Variants in TMEM117 observed in about 807,000 individuals in gnomAD.
TMEM117 encodes the protein transmembrane protein 117.
In TMEM117, 27 loss-of-function variants were observed where a neutral mutation model predicts 52.4. The observed-to-expected ratio is 0.51, with a 90% CI of 0.38 to 0.71. The LOEUF is 0.71. TMEM117 is among the 30% of genes least tolerant of loss of function. The pLI is 0.00. For synonymous variants in TMEM117, 215 were observed against 206.3 expected, an observed-to-expected ratio of 1.04 and a Z score of -0.36; for missense variants, 556 against 630.5, an observed-to-expected ratio of 0.88 and a Z score of 1.26.
chr12:43,968,112 A>C (rs1945515410), intron 3 of TMEM117, among the ~76,000 whole-genome samples: 1 of 152,244 alleles, frequency 6.6e-6, no homozygotes, highest in African/African-American at 2.4e-5. Context: ...TAGAGACCAC[A>C]TATGATATTT....
At chr12:44,277,500 TA>T (rs1411581193) in intron 5 of TMEM117, among the ~76,000 whole-genome samples, 2 of 152,214 alleles carry the variant, frequency 1.3e-5, no homozygotes, top group African/African-American at 2.4e-5. Context: ...TTGGCTTCAG[TA>T]AAATTGTCTG....
At chr12:43,940,742 C>T (rs1443996977) in intron 2 of TMEM117, among the ~76,000 whole-genome samples, 1 of 152,102 alleles carries the variant, frequency 6.6e-6, no homozygotes, top group Non-Finnish European at 1.5e-5. Context: ...CCGGGTTTCA[C>T]CATGTTAGCC....
At chr12:43,901,820 A>G (rs945099376) in intron 2 of TMEM117, among the ~76,000 whole-genome samples, 1 of 152,192 alleles carries the variant, frequency 6.6e-6, no homozygotes, top group African/African-American at 2.4e-5. Context: ...TGAAATTATG[A>G]ATCTGTTTGC....
At chr12:44,002,964 AAAG>A (rs755795197) in intron 3 of TMEM117, among the ~76,000 whole-genome samples, 3 of 152,168 alleles carry the variant, frequency 2.0e-5, no homozygotes, top group Non-Finnish European at 2.9e-5. Flanking sequence ...TTCAAGGAAT[AAAG>A]AGGAGGTAGC....
At chr12:44,261,199 C>T (rs910628588) in intron 5 of TMEM117, among the ~76,000 whole-genome samples, 3 of 152,164 alleles carry the variant, frequency 2.0e-5, no homozygotes, top group Admixed American at 2.0e-4. Context: ...AGGCACTTCA[C>T]ATGATTAACT....
chr12:44,203,243 T>C (rs2138374985), intron 4 of TMEM117, among the ~76,000 whole-genome samples: 1 of 152,338 alleles, frequency 6.6e-6, no homozygotes, highest in African/African-American at 2.4e-5. Context: ...CTAATTTTTA[T>C]CCATAGAAAT....
At chr12:43,985,368 A>G (rs1945830746) in intron 3 of TMEM117, among the ~76,000 whole-genome samples, 1 of 152,022 alleles carries the variant, frequency 6.6e-6, no homozygotes, top group African/African-American at 2.4e-5. Context: ...ATTTGAACCA[A>G]AAAAGGTGAT....
rs915153008 is a variant in TMEM117, at chr12:43,925,152, C to T, written c.278-19058C>T. On this transcript the variant is annotated intron_variant, in intron 2 of 7. Coordinates refer to ENST00000266534, the MANE Select transcript of TMEM117 (RefSeq NM_032256.3). ...GTGGAAACTACGATAACTTTCACAA[C>T]CTACCCTTGGAAGTTCCTCATGTCA... Among the ~76,000 whole-genome samples, 3 of 152,080 alleles carry T rather than the reference C, an allele frequency of 2.0e-5. No individual in the cohort carries two copies. In the South Asian group the frequency reaches 6.2e-4, roughly 31 times the overall value.
At chr12:43,927,995 A>T (rs1944808517) in intron 2 of TMEM117, among the ~76,000 whole-genome samples, 1 of 151,180 alleles carries the variant, frequency 6.6e-6, no homozygotes, top group South Asian at 2.1e-4. Context: ...TTTTTTGCAC[A>T]GAGTGAATTT....
intron 5 of TMEM117, among the ~76,000 whole-genome samples, chr12:44,251,245 A>T (rs527391168): frequency 7.9e-5 from 12 of 152,298 alleles, no homozygotes; most frequent in Non-Finnish European, 1.0e-4. Flanking sequence ...TCATAATTTA[A>T]TGGGATATAA....
chr12:44,043,028 T>G (rs1946827142), intron 3 of TMEM117, among the ~76,000 whole-genome samples: 1 of 152,176 alleles, frequency 6.6e-6, no homozygotes, highest in African/African-American at 2.4e-5. Flanking sequence ...TAGAGAGTTA[T>G]GCAAAATAAA....
At chr12:44,223,085 C>T (rs188734402) in intron 5 of TMEM117, among the ~76,000 whole-genome samples, 13 of 149,330 alleles carry the variant, frequency 8.7e-5, no homozygotes, top group Admixed American at 7.4e-4. Flanking sequence ...GGTACAAGTG[C>T]AGGTTTGTTA....
chr12:43,960,862 A>C (rs1305772984), intron 3 of TMEM117, among the ~76,000 whole-genome samples: 1 of 152,170 alleles, frequency 6.6e-6, no homozygotes, highest in Non-Finnish European at 1.5e-5. Context: ...TAATATTACT[A>C]TTCCTGACAT....
chr12:44,100,287 T>C (rs1268365583), intron 3 of TMEM117, among the ~76,000 whole-genome samples: 1 of 152,012 alleles, frequency 6.6e-6, no homozygotes, highest in Admixed American at 6.6e-5. Flanking sequence ...AGTGACATTA[T>C]ATATATAAAA....
intron 3 of TMEM117, among the ~76,000 whole-genome samples, chr12:44,121,076 G>A (rs1318433919): frequency 6.6e-6 from 1 of 152,190 alleles, no homozygotes; most frequent in Non-Finnish European, 1.5e-5. Context: ...AAGAGAGCTT[G>A]TGCAGGGAAA....
intron 5 of TMEM117, among the ~76,000 whole-genome samples, chr12:44,264,359 G>T (rs1016919662): frequency 6.6e-6 from 1 of 152,090 alleles, no homozygotes; most frequent in Non-Finnish European, 1.5e-5. Flanking sequence ...TGTGAATGTG[G>T]TGTTGTACCT....
intron 5 of TMEM117, among the ~76,000 whole-genome samples, chr12:44,259,967 T>G (rs1950302762): frequency 6.6e-6 from 1 of 152,178 alleles, no homozygotes; most frequent in South Asian, 2.1e-4. Context: ...TTTGGAGATT[T>G]ATATGATATC....
chr12:44,135,125 C>A (rs141953031), intron 3 of TMEM117, among the ~76,000 whole-genome samples: 7 of 152,300 alleles, frequency 4.6e-5, no homozygotes, highest in African/African-American at 1.7e-4. Context: ...GTTATTTTCT[C>A]ATATAACCTC....
At chr12:43,815,770 C>G in the TMEM117 span, among the ~76,000 whole-genome samples, 1 of 152,190 alleles carries the variant, frequency 6.6e-6, no homozygotes, top group Non-Finnish European at 1.5e-5. Context: ...TGCACACATG[C>G]AAAACAACAC....
Sources: gnomAD v4.1 joint callset for allele counts (sites outside exome capture counted in the v4.1 genomes callset) on GRCh38, gnomAD v4.1.1 for gene constraint, MANE v1.5 for transcripts, NCBI Gene and HGNC (gene_info 2026-07-23, HGNC 2026-07-21) for gene names.